The following SIMC1 variants were observed in gnomAD, a reference collection of about 807,000 sequenced individuals.
SIMC1 encodes the protein SUMO-interacting motif-containing protein 1.
SIMC1 carries 55 observed loss-of-function variants against 82.3 expected under a neutral mutation model. The observed-to-expected ratio is 0.67, with a 90% CI of 0.54 to 0.84. SIMC1 has a LOEUF of 0.84. Among genes scored for constraint, SIMC1 ranks in the 40% least tolerant of loss-of-function variants. The pLI, the probability that SIMC1 is intolerant of heterozygous loss-of-function variation, is 0.00. For missense variants in SIMC1, 915 were observed against 1,107.2 expected, an observed-to-expected ratio of 0.83 and a Z score of 2.46; for synonymous variants, 353 against 426.3, an observed-to-expected ratio of 0.83 and a Z score of 2.12.
intron 2 of SIMC1, 30 bp downstream of exon 2, chr5:176,290,985 G>T: frequency 6.7e-7 from 1 of 1,486,010 alleles, no homozygotes; most frequent in Non-Finnish European, 9.0e-7. Flanking sequence ...CAGGGATTAG[G>T]TGTCCTTTCC....
intron 7 of SIMC1, among the ~76,000 whole-genome samples, chr5:176,331,566 T>C (rs1169510732): frequency 6.6e-6 from 1 of 151,122 alleles, no homozygotes; most frequent in Non-Finnish European, 1.5e-5. Flanking sequence ...CCACCCACCT[T>C]GGCCTCCCAA....
chr5:176,248,890 CGA>C (rs1761547116), intron 1 of SIMC1, among the ~76,000 whole-genome samples: 1 of 150,732 alleles, frequency 6.6e-6, no homozygotes, highest in African/African-American at 2.4e-5. Context: ...TTGGTTCTGT[CGA>C]TGGATTACGT....
At chr5:176,344,384 G>A (rs982696615) in intron 9 of SIMC1, among the ~76,000 whole-genome samples, 1 of 150,994 alleles carries the variant, frequency 6.6e-6, no homozygotes, top group African/African-American at 2.4e-5. Context: ...CAAGAACATG[G>A]AGTAGGCCAG....
Position 176,305,804 on chromosome 5 carries a change from T to C in SIMC1, c.1735-7887T>C, listed in dbSNP as rs1417198912. Among the ~76,000 whole-genome samples the C allele has an allele frequency of 8.1e-5, 3 of 37,166 alleles. 1 individual carries two copies. Among genetic ancestry groups the C allele is most frequent in the Admixed American group, 7.4e-4 (3 of 4,044 alleles). 24.4% of individuals were successfully genotyped at this position (37,166 alleles called of 152,430 possible). ...CCAGCCGCCCCGTCCGGGAGGGAGGTGGGGGCGTCAGCCCCCCGCCCGGCC... is the reference window on the plus strand; with the variant it reads ...CCAGCCGCCCCGTCCGGGAGGGAGGCGGGGGCGTCAGCCCCCCGCCCGGCC... On this transcript the variant is annotated intron_variant, in intron 4 of 9. Transcript: ENST00000429602.
At chr5:176,292,578 T>G (rs1476854862) in intron 2 of SIMC1, among the ~76,000 whole-genome samples, 42 of 152,144 alleles carry the variant, frequency 2.8e-4, no homozygotes. Context: ...TCTCACCCTG[T>G]CACCCAGGCT....
chr5:176,307,738 GACAATA>G (rs1162151983), intron 4 of SIMC1, among the ~76,000 whole-genome samples: 2 of 152,174 alleles, frequency 1.3e-5, no homozygotes, highest in African/African-American at 4.8e-5. Flanking sequence ...AAAGAAAACA[GACAATA>G]ATAAACATTG....
chr5:176,288,410 A>AGAATGAATGAATGAAT (rs746968105), intron 1 of SIMC1, among the ~76,000 whole-genome samples: 1 of 132,764 alleles, frequency 7.5e-6, no homozygotes, highest in African/African-American at 2.7e-5. Context: ...CTCCATCTCA[A>AGAATGAATGAATGAAT]GAATGAATGA....
At chr5:176,286,314 G>A (rs1400815746) in intron 1 of SIMC1, among the ~76,000 whole-genome samples, 1 of 152,226 alleles carries the variant, frequency 6.6e-6, no homozygotes, top group Non-Finnish European at 1.5e-5. Flanking sequence ...ACAGAACAGA[G>A]CCCTCAGAAA....
At chr5:176,283,578 T>G (rs1222421950) in intron 1 of SIMC1, among the ~76,000 whole-genome samples, 3 of 152,094 alleles carry the variant, frequency 2.0e-5, no homozygotes, top group African/African-American at 4.8e-5. Flanking sequence ...CCATGCCAAA[T>G]TGTAAAGACC....
At chr5:176,329,474 C>T (rs969693757) in intron 7 of SIMC1, among the ~76,000 whole-genome samples, 107 of 134,384 alleles carry the variant, frequency 8.0e-4, no homozygotes, top group African/African-American at 2.5e-3. Flanking sequence ...CCAGCCTGGG[C>T]GAAAGAGCGA....
intron 1 of SIMC1, among the ~76,000 whole-genome samples, chr5:176,246,748 A>T (rs528498003): frequency 6.6e-6 from 1 of 151,492 alleles, no homozygotes; most frequent in Non-Finnish European, 1.5e-5. Flanking sequence ...TCCTAATGCA[A>T]TCCCTCCCCT....
At chr5:176,274,857 C>T (rs1246249563) in intron 1 of SIMC1, among the ~76,000 whole-genome samples, 2 of 151,662 alleles carry the variant, frequency 1.3e-5, no homozygotes, top group Non-Finnish European at 2.9e-5. Flanking sequence ...GGTACCAGTA[C>T]CATGCTCTTT....
intron 1 of SIMC1, among the ~76,000 whole-genome samples, chr5:176,288,651 A>T (rs1763403945): frequency 6.6e-6 from 1 of 152,196 alleles, no homozygotes; most frequent in African/African-American, 2.4e-5. Context: ...CTATTCCAGG[A>T]TGCCAACTTC....
At chr5:176,330,400 CAAA>C (rs554910341) in intron 7 of SIMC1, among the ~76,000 whole-genome samples, 10 of 94,152 alleles carry the variant, frequency 1.1e-4, no homozygotes, top group Non-Finnish European at 1.3e-4. Flanking sequence ...GTCTCCATCT[CAAA>C]AAAAAAAAAA....
intron 1 of SIMC1, among the ~76,000 whole-genome samples, chr5:176,264,097 G>A (rs542008712): frequency 2.7e-4 from 41 of 152,334 alleles, no homozygotes; most frequent in Non-Finnish European, 2.9e-5. Flanking sequence ...GGGCTCCTAA[G>A]GCCTTGGGCA....
At chr5:176,304,219 T>TCTCCCTCTCCCTCTCCCG (rs1764172717) in intron 4 of SIMC1, 1 of 151,770 alleles carries the variant, frequency 6.6e-6, no homozygotes, top group Non-Finnish European at 1.5e-5. Flanking sequence ...TCCAGCTCCC[T>TCTCCCTCTCCCTCTCCCG]CTCCCTCTCC....
chr5:176,303,847 GT>G (rs1764150849), intron 4 of SIMC1, among the ~76,000 whole-genome samples: 1 of 152,142 alleles, frequency 6.6e-6, no homozygotes, highest in African/African-American at 2.4e-5. Context: ...ATAGGAAAAA[GT>G]GGATATCCAC....
At position 176,277,378 on chromosome 5, in the gene SIMC1, T is replaced by G. The variant is rs532937723; in HGVS notation, c.130-12276T>G. ...TTGTCTGATGAGTGGGTTGCAAAAA[T>G]TTTCTCCCATTTTGTAGGTTGCCTG... On this transcript the variant is annotated intron_variant, in intron 1 of 9. Transcript: ENST00000429602. Among the ~76,000 whole-genome samples, 27 of 152,052 alleles carry G rather than the reference T, an allele frequency of 1.8e-4. 1 individual carries two copies. The highest frequency in any genetic ancestry group is 6.3e-4 in the African/African-American group (26 of 41,378).
intron 1 of SIMC1, among the ~76,000 whole-genome samples, chr5:176,247,330 C>A (rs1761485392): frequency 1.3e-5 from 2 of 152,042 alleles, no homozygotes; most frequent in African/African-American, 4.8e-5. Context: ...TATCATTGTG[C>A]TTTTGATTTG....
Sources: gnomAD v4.1 joint callset for allele counts (sites outside exome capture counted in the v4.1 genomes callset) on GRCh38, gnomAD v4.1.1 for gene constraint, MANE v1.5 for transcripts, NCBI Gene and HGNC (gene_info 2026-07-23, HGNC 2026-07-21) for gene names.